RBM26: variants seen among roughly 807,000 people sequenced by gnomAD.
The protein encoded by RBM26 is RNA binding motif protein 26, also known as RNA-binding protein 26.
A neutral mutation model predicts 123.6 loss-of-function variants in RBM26; 30 were observed. The observed-to-expected ratio is 0.24, with a 90% confidence interval of 0.18 to 0.33. RBM26 has a LOEUF of 0.33. Ranked by LOEUF, RBM26 falls within the 10% of genes least tolerant of loss-of-function variation. The pLI is 1.00. For missense variants in RBM26, 947 were observed against 1,203.6 expected, an observed-to-expected ratio of 0.79 and a Z score of 3.15; for synonymous variants, 400 against 404.4, an observed-to-expected ratio of 0.99 and a Z score of 0.13.
At position 79,371,160 on chromosome 13, in the gene RBM26, C is replaced by A; in HGVS notation, c.419G>T (p.Ser140Ile). 6.2e-7 allele frequency: 1 copy of A among 1,612,090 alleles called. No homozygotes were observed. Among genetic ancestry groups the A allele is most frequent in the Non-Finnish European group, 8.5e-7 (1 of 1,178,816 alleles). ...QSSSRYRENR[S>I]RDERKKDDRS... is the part of the protein sequence containing the mutation. ...ATCATCTTTTTTCCTCTCATCACGG[C>A]TTCTAAAGAAATATGTGATCACTTT... The change falls in exon 5 of 22, where the codon AGC becomes ATC. Residue 140 changes from serine to isoleucine, a missense_variant and splice_region_variant. This residue lies in a region of RBM26 where 275 missense variants were observed against 361.0 expected (regional missense o/e 0.76). Transcript: ENST00000438737.
chr13:79,317,331 T>C (rs2067244091), downstream of RBM26, among the ~76,000 whole-genome samples: 1 of 151,684 alleles, frequency 6.6e-6, no homozygotes, highest in Non-Finnish European at 1.5e-5. Flanking sequence ...GGCTTAGATA[T>C]ATTAAATTGT....
chr13:79,337,191 C>A lies in RBM26; in HGVS notation c.2644G>T (p.Gly882Cys). The change falls in exon 19 of 22, where the codon GGT (glycine) becomes TGT (cysteine). Residue 882 changes from glycine (G) to cysteine (C), a missense_variant. Around this residue, in one of 5 missense-constraint regions of RBM26, gnomAD observed 164 missense variants for 215.3 expected, o/e 0.76. Coordinates refer to ENST00000438737, the MANE Select transcript of RBM26 (RefSeq NM_001366735.2). Reference protein sequence around the residue: ...RGRGRGRGVPGHAVVDHRPRA... With the variant: ...RGRGRGRGVPCHAVVDHRPRA... ...GGACGGTGATCCACCACAGCATGAC[C>A]AGGCACACCTCGCCCTCGCCCTCGC... 2 of 1,614,148 alleles carry A rather than the reference C, an allele frequency of 1.2e-6. No individual in the cohort carries two copies. Among genetic ancestry groups the A allele is most frequent in the African/African-American group, 1.3e-5 (1 of 75,034 alleles).
chr13:79,402,252 A>T (rs1291665826), intron 1 of RBM26, among the ~76,000 whole-genome samples: 15 of 152,154 alleles, frequency 9.9e-5, no homozygotes, highest in Non-Finnish European at 1.9e-4. Context: ...ATAACAAAAC[A>T]TCAATCTTAA....
intron 14 of RBM26, among the ~76,000 whole-genome samples, chr13:79,345,068 T>C (rs957337737): frequency 6.6e-6 from 1 of 152,074 alleles, no homozygotes; most frequent in African/African-American, 2.4e-5. Context: ...AAAACATTAC[T>C]ATTACTACAT....
chr13:79,326,064 T>A (rs1188306906), intron 20 of RBM26, among the ~76,000 whole-genome samples: 2 of 152,184 alleles, frequency 1.3e-5, no homozygotes, highest in African/African-American at 4.8e-5. Context: ...GTAGGTTATA[T>A]CATTTATGTT....
downstream of RBM26, among the ~76,000 whole-genome samples, chr13:79,315,965 C>T (rs1488460162): frequency 6.6e-6 from 1 of 151,794 alleles, no homozygotes; most frequent in East Asian, 1.9e-4. Flanking sequence ...AAGAAGTTAA[C>T]AGGAACAAGG....
chr13:79,318,357 G>A (rs2067340101), downstream of RBM26, among the ~76,000 whole-genome samples: 1 of 151,146 alleles, frequency 6.6e-6, no homozygotes. Context: ...ATTAGCCTAA[G>A]TTTCCTTATC....
downstream of RBM26, chr13:79,318,801 A>T (rs997045880): frequency 2.0e-6 from 2 of 983,898 alleles, no homozygotes; most frequent in African/African-American, 3.5e-5. Context: ...CCTTTGAAAG[A>T]TTTACTTTCT....
chr13:79,393,612 C>A (rs981416164), intron 1 of RBM26, among the ~76,000 whole-genome samples: 3 of 152,146 alleles, frequency 2.0e-5, no homozygotes, highest in Non-Finnish European at 2.9e-5. Context: ...GACATTCAAC[C>A]CCCATACAGT....
At chr13:79,386,892 C>T (rs1359490134) in intron 1 of RBM26, among the ~76,000 whole-genome samples, 1 of 151,988 alleles carries the variant, frequency 6.6e-6, no homozygotes, top group Non-Finnish European at 1.5e-5. Flanking sequence ...ACTAGAAATA[C>T]AAAAAACCTA....
chr13:79,374,618 T>C (rs1024199362), intron 3 of RBM26, among the ~76,000 whole-genome samples: 2 of 152,252 alleles, frequency 1.3e-5, no homozygotes, highest in African/African-American at 2.4e-5. Flanking sequence ...TCAAGTACTT[T>C]CGTACTCTTT....
At chr13:79,312,136 G>A (rs542825465) in exon 5 of RBM26, 5 of 152,046 alleles carry the variant, frequency 3.3e-5, no homozygotes, top group African/African-American at 1.2e-4. Flanking sequence ...TCATGAAATG[G>A]GATACTTATG....
intron 18 of RBM26, among the ~76,000 whole-genome samples, chr13:79,340,292 C>G (rs1003233124): frequency 1.4e-4 from 22 of 151,958 alleles, no homozygotes; most frequent in Non-Finnish European, 2.9e-4. Context: ...GAAGACAGAG[C>G]TTTAAGGCAA....
In RBM26 at chr13:79,319,284, A is replaced by T; in HGVS notation, c.*1337T>A. 1.0e-6 allele frequency: 1 copy of T among 983,372 alleles called. No individual in the cohort carries two copies. 60.9% of individuals were successfully genotyped at this position (983,372 alleles called of 1,614,324 possible). A position where few individuals can be genotyped will look rare whatever the true frequency, so the allele number is the denominator to read the frequency against. ...TTAAATGTGATTTTTTAATATTATC[A>T]CTATAATCTCAAGAGAGGCAGAAAC... On this transcript the variant is annotated 3_prime_UTR_variant, in exon 22 of 22. Transcript: ENST00000438737.
In RBM26 at chr13:79,367,406, CAAAAAAAAAAA is replaced by C. The variant is rs776345304; in HGVS notation, c.896-545_896-535del. Among the ~76,000 whole-genome samples the C allele has an allele frequency of 9.5e-3, 376 of 39,658 alleles. 9 individuals are homozygous for C. Among genetic ancestry groups the C allele is most frequent in the African/African-American group, 0.021 (346 of 16,728 alleles). The allele number at this position is 39,658 out of a possible 152,430, so 26.0% of individuals were successfully genotyped here. ...TGGGGTATAGGGGGAGACTCCATCTCAAAAAAAAAAAAAAAAAAAAAAAAAAGAAGAAGAAG... is the reference window on the plus strand; with the variant it reads ...TGGGGTATAGGGGGAGACTCCATCTCAAAAAAAAAAAAAAAGAAGAAGAAG... On this transcript the variant is annotated intron_variant, in intron 6 of 21. Transcript: ENST00000438737.
At chr13:79,355,856 A>G (rs2073912254) in intron 11 of RBM26, among the ~76,000 whole-genome samples, 1 of 111,162 alleles carries the variant, frequency 9.0e-6, no homozygotes, top group Non-Finnish European at 2.0e-5. Context: ...AAATTTAAGA[A>G]CAAAAAAAAA....
chr13:79,342,545 A>G, intron 17 of RBM26, 119 bp downstream of exon 17: 1 of 731,992 alleles, frequency 1.4e-6, no homozygotes, highest in East Asian at 2.6e-5. Flanking sequence ...GGAGAATGGT[A>G]CATACAATGG....
intron 1 of RBM26, among the ~76,000 whole-genome samples, chr13:79,393,453 T>A (rs768964733): frequency 2.0e-4 from 31 of 152,170 alleles, no homozygotes; most frequent in Admixed American, 1.2e-3. Flanking sequence ...GCCTTATGTC[T>A]CCTCGGTCGA....
intron 1 of RBM26, among the ~76,000 whole-genome samples, chr13:79,385,839 T>G (rs1566558778): frequency 6.6e-6 from 1 of 152,124 alleles, no homozygotes; most frequent in East Asian, 1.9e-4. Context: ...GGACTCTCTA[T>G]TCTGCATTTT....
Sources: allele counts gnomAD v4.1 joint callset (sites outside exome capture counted in the v4.1 genomes callset), GRCh38; gene constraint gnomAD v4.1.1; regional missense constraint gnomAD v4.1.1; transcripts MANE v1.5; gene names NCBI Gene and HGNC (gene_info 2026-07-23, HGNC 2026-07-21).